Variants in SLC2A13 observed in about 807,000 individuals in gnomAD.
SLC2A13 encodes solute carrier family 2 member 13, also known as proton myo-inositol cotransporter.
Under a neutral mutation model 64.4 loss-of-function variants are expected in SLC2A13, and 32 were observed. The observed-to-expected ratio is 0.50, with a 90% CI of 0.37 to 0.67. The LOEUF (loss-of-function observed/expected upper bound fraction) is 0.67, where lower values mean the gene tolerates loss of function less well. Ranked by LOEUF, SLC2A13 falls within the 30% of genes least tolerant of loss-of-function variation. The pLI is 0.00. For missense variants in SLC2A13, 743 were observed against 829.2 expected (o/e 0.90, Z 1.28); for synonymous variants, 338 against 327.1 (o/e 1.03, Z -0.36).
At chr12:39,896,270 AT>A (rs1944855063) in intron 4 of SLC2A13, among the ~76,000 whole-genome samples, 1 of 133,386 alleles carries the variant, frequency 7.5e-6, no homozygotes, top group African/African-American at 2.7e-5. Context: ...ATGTGTGTAT[AT>A]ATGTATACAT....
At chr12:40,045,384 T>A (rs1047208014) in intron 2 of SLC2A13, among the ~76,000 whole-genome samples, 1 of 151,886 alleles carries the variant, frequency 6.6e-6, no homozygotes, top group Non-Finnish European at 1.5e-5. Context: ...ATAAAAGTGA[T>A]GAGTTATCTA....
At chr12:40,008,217 C>G (rs1162831529) in intron 3 of SLC2A13, among the ~76,000 whole-genome samples, 1 of 152,080 alleles carries the variant, frequency 6.6e-6, no homozygotes, top group African/African-American at 2.4e-5. Context: ...AAAAGTAGAA[C>G]AGAGAAGCCA....
At chr12:40,051,957 G>A (rs11564279) in intron 1 of SLC2A13, among the ~76,000 whole-genome samples, 32,947 of 152,104 alleles carry the variant, frequency 0.22, 4,182 homozygotes, top group Middle Eastern at 0.34. Context: ...ACGTACAGTG[G>A]CAGCAATGGT....
intron 2 of SLC2A13, among the ~76,000 whole-genome samples, chr12:40,035,893 G>T (rs188710987): frequency 1.3e-5 from 2 of 152,156 alleles, no homozygotes; most frequent in Non-Finnish European, 1.5e-5. Context: ...AATGAATATG[G>T]CATTTTGCAC....
chr12:40,076,264 G>A (rs1055339098), intron 1 of SLC2A13, among the ~76,000 whole-genome samples: 13 of 152,174 alleles, frequency 8.5e-5, no homozygotes, highest in Non-Finnish European at 1.2e-4. Context: ...CCCAGGTAGA[G>A]AGCATAGTAC....
chr12:39,795,340 T>C (rs533138792), intron 7 of SLC2A13, among the ~76,000 whole-genome samples: 1 of 152,318 alleles, frequency 6.6e-6, no homozygotes, highest in South Asian at 2.1e-4. Context: ...ACTTAATTTA[T>C]CATATATTTC....
intron 3 of SLC2A13, among the ~76,000 whole-genome samples, chr12:39,957,466 C>T (rs190899487): frequency 1.1e-4 from 17 of 152,262 alleles, no homozygotes; most frequent in Non-Finnish European, 2.4e-4. Context: ...ACTGCAATTC[C>T]TCCATTTCAT....
intron 2 of SLC2A13, among the ~76,000 whole-genome samples, chr12:40,044,171 ATAC>A (rs1297646811): frequency 6.6e-6 from 1 of 152,196 alleles, no homozygotes; most frequent in African/African-American, 2.4e-5. Flanking sequence ...GTACTGACAC[ATAC>A]TACAACTTAG....
At chr12:40,059,766 C>T (rs1214766421) in intron 1 of SLC2A13, among the ~76,000 whole-genome samples, 1 of 152,100 alleles carries the variant, frequency 6.6e-6, no homozygotes, top group Admixed American at 6.6e-5. Flanking sequence ...TATGACCTTA[C>T]ACTAACAGAA....
chr12:39,764,902 T>A, intron 7 of SLC2A13, 44 bp from the exon 8 acceptor site: 1 of 1,588,380 alleles, frequency 6.3e-7, no homozygotes, highest in Non-Finnish European at 8.6e-7. Flanking sequence ...TGTTTTTGAC[T>A]ACAGTTGCAG....
chr12:40,052,167 G>A (rs1948269671), intron 1 of SLC2A13, among the ~76,000 whole-genome samples: 2 of 152,114 alleles, frequency 1.3e-5, no homozygotes, highest in African/African-American at 2.4e-5. Context: ...AGATAATAAG[G>A]TCAGGTCATA....
intron 4 of SLC2A13, among the ~76,000 whole-genome samples, chr12:39,896,233 T>C (rs1340147998): frequency 1.0e-5 from 1 of 100,500 alleles, no homozygotes; most frequent in Non-Finnish European, 2.3e-5. Context: ...TATATGCATA[T>C]GTGTATATAT....
At chr12:40,036,261 G>A (rs1947982158) in intron 2 of SLC2A13, among the ~76,000 whole-genome samples, 1 of 152,106 alleles carries the variant, frequency 6.6e-6, no homozygotes, top group Non-Finnish European at 1.5e-5. Context: ...GTTATTCATT[G>A]GTCAATGCAG....
chr12:40,014,470 C>G (rs187047580), intron 3 of SLC2A13, among the ~76,000 whole-genome samples: 1 of 152,088 alleles, frequency 6.6e-6, no homozygotes, highest in African/African-American at 2.4e-5. Context: ...TTGGACTAGT[C>G]CAGATTATAA....
rs1204529439 is a variant in SLC2A13 at position 39,812,367 on chromosome 12, C to CTTTTCTTTTCTT, written c.1445+17724_1445+17735dup. Among the ~76,000 whole-genome samples, 7 of 142,634 alleles carry CTTTTCTTTTCTT rather than the reference C, an allele frequency of 4.9e-5. No homozygotes were observed. In the East Asian group the frequency reaches 8.3e-4, roughly 17 times the overall value. 93.6% of individuals were successfully genotyped at this position (142,634 alleles called of 152,430 possible). A position where few individuals can be genotyped will look rare whatever the true frequency, so the allele number is the denominator to read the frequency against. The stretch of plus-strand genomic sequence containing the variant: ...CTTTTCTTTTCTTTTCTTTTCTTTT[C>CTTTTCTTTTCTT]TTTTCTTTTCTTTTCTTTCTTTCTC... On this transcript the variant is annotated intron_variant, in intron 7 of 9. Transcript: ENST00000280871.
chr12:39,885,281 T>C (rs889762484), intron 4 of SLC2A13, among the ~76,000 whole-genome samples: 1 of 152,066 alleles, frequency 6.6e-6, no homozygotes, highest in Non-Finnish European at 1.5e-5. Context: ...CTCTCTCAAA[T>C]GAATGCTTTC....
intron 3 of SLC2A13, among the ~76,000 whole-genome samples, chr12:39,958,619 T>C (rs1219230030): frequency 1.3e-5 from 2 of 152,144 alleles, no homozygotes; most frequent in South Asian, 2.1e-4. Context: ...AAACCATTGA[T>C]AACAGAACCA....
chr12:39,824,387 G>A (rs1259674958), intron 7 of SLC2A13, among the ~76,000 whole-genome samples: 1 of 152,218 alleles, frequency 6.6e-6, no homozygotes, highest in Non-Finnish European at 1.5e-5. Context: ...TGGGTGGCAT[G>A]AGCCAGATTC....
intron 7 of SLC2A13, among the ~76,000 whole-genome samples, chr12:39,765,597 C>T (rs1362825088): frequency 1.3e-5 from 2 of 152,032 alleles, no homozygotes; most frequent in East Asian, 1.9e-4. Flanking sequence ...CATCCAAGCC[C>T]TATTGTTACC....
Sources: gnomAD v4.1 joint callset for allele counts (sites outside exome capture counted in the v4.1 genomes callset) on GRCh38, gnomAD v4.1.1 for gene constraint, MANE v1.5 for transcripts, NCBI Gene and HGNC (gene_info 2026-07-23, HGNC 2026-07-21) for gene names.